Variants in SRL observed in about 807,000 individuals in gnomAD.
The protein encoded by SRL is sarcalumenin.
In SRL, 23 loss-of-function variants were observed where a neutral mutation model predicts 39.5. The observed-to-expected ratio is 0.58, with a 90% CI of 0.42 to 0.82. The LOEUF is 0.82. Among genes scored for constraint, SRL ranks in the 40% least tolerant of loss-of-function variants. The probability of loss-of-function intolerance (pLI) is 0.00; values close to 1 mark genes in which losing one functional copy is unlikely to be tolerated. For missense variants in SRL, 592 were observed against 607.8 expected, an observed-to-expected ratio of 0.97 and a Z score of 0.27; for synonymous variants, 272 against 237.4, an observed-to-expected ratio of 1.15 and a Z score of -1.34.
rs752573485 is a variant in SRL, at chr16:4,195,506, T to C, written c.610+47A>G. The stretch of plus-strand genomic sequence containing the variant: ...AGCCATCATGCCTGGCCAAAAATAA[T>C]TTTTTGAAACAGAGCTTACACTGTT... On this transcript the variant is annotated intron_variant, in intron 5 of 5. Transcript: ENST00000399609. 38 of 1,580,756 alleles carry C rather than the reference T, an allele frequency of 2.4e-5. 1 individual carries two copies. Among genetic ancestry groups the C allele is most frequent in the Non-Finnish European group, 1.9e-5 (22 of 1,153,912 alleles).
chr16:4,232,165 A>G (rs2052666494), intron 1 of SRL, among the ~76,000 whole-genome samples: 2 of 152,010 alleles, frequency 1.3e-5, no homozygotes, highest in East Asian at 3.9e-4. Context: ...TTCGGAAAGG[A>G]AACAAAGGCA....
chr16:4,237,736 C>T (rs149843626), intron 1 of SRL, among the ~76,000 whole-genome samples: 3 of 152,304 alleles, frequency 2.0e-5, no homozygotes, highest in African/African-American at 7.2e-5. Context: ...TGAGTTTGCT[C>T]ATCTTGTTCC....
chr16:4,226,952 G>C (rs2054865011), intron 1 of SRL, among the ~76,000 whole-genome samples: 1 of 148,916 alleles, frequency 6.7e-6, no homozygotes, highest in Non-Finnish European at 1.5e-5. Flanking sequence ...GGATGGATGA[G>C]TAGATGCATG....
chr16:4,204,447 C>T (rs559362030), intron 2 of SRL, 86 bp downstream of exon 2: 115 of 772,346 alleles, frequency 1.5e-4, no homozygotes, highest in East Asian at 7.7e-4. Flanking sequence ...CCGGCACGCC[C>T]TGGCTCTCAG....
At chr16:4,232,009 C>G (rs578200038) in intron 1 of SRL, among the ~76,000 whole-genome samples, 1 of 152,338 alleles carries the variant, frequency 6.6e-6, no homozygotes, top group Non-Finnish European at 1.5e-5. Context: ...GACTTGGCGG[C>G]TGATTTGTGA....
intron 1 of SRL, among the ~76,000 whole-genome samples, chr16:4,220,286 C>T (rs1848149078): frequency 6.6e-6 from 1 of 150,634 alleles, no homozygotes; most frequent in Non-Finnish European, 1.5e-5. Context: ...AAAACACACA[C>T]ACACACACAC....
At chr16:4,210,111 G>A (rs900208426) in intron 1 of SRL, among the ~76,000 whole-genome samples, 1 of 152,218 alleles carries the variant, frequency 6.6e-6, no homozygotes, top group African/African-American at 2.4e-5. Context: ...AGAGGTCCGC[G>A]GTCAGATTGG....
At chr16:4,197,080 T>TG (rs2052158543) in intron 4 of SRL, among the ~76,000 whole-genome samples, 1 of 111,640 alleles carries the variant, frequency 9.0e-6, no homozygotes, top group Non-Finnish European at 1.9e-5. Flanking sequence ...TTTTTTTTTT[T>TG]TTTTGTGAGA....
intron 4 of SRL, among the ~76,000 whole-genome samples, chr16:4,196,335 C>G (rs758305568): frequency 6.6e-6 from 1 of 152,172 alleles, no homozygotes. Context: ...GTGCAACCAT[C>G]GCCACCATCC....
At chr16:4,196,459 T>C (rs1217906945) in intron 4 of SRL, among the ~76,000 whole-genome samples, 1 of 150,526 alleles carries the variant, frequency 6.6e-6, no homozygotes, top group Non-Finnish European at 1.5e-5. Context: ...TCTCTCTCTC[T>C]GATTTTGCCT....
chr16:4,198,249 A>T (rs187352559), intron 3 of SRL, among the ~76,000 whole-genome samples: 98 of 152,308 alleles, frequency 6.4e-4, no homozygotes, highest in African/African-American at 2.1e-3. Context: ...CCCATAGAGA[A>T]AGGAGGACGG....
chr16:4,216,737 T>G (rs1385083481), intron 1 of SRL, among the ~76,000 whole-genome samples: 1 of 152,178 alleles, frequency 6.6e-6, no homozygotes, highest in Non-Finnish European at 1.5e-5. Context: ...GCCTTGGGCC[T>G]GCTGCCTCCC....
intron 1 of SRL, among the ~76,000 whole-genome samples, chr16:4,221,338 C>T (rs1247411152): frequency 6.6e-6 from 1 of 152,216 alleles, no homozygotes; most frequent in Non-Finnish European, 1.5e-5. Context: ...TGAGCCACTG[C>T]ACCTGGCCTA....
chr16:4,221,200 C>T (rs150313032), intron 1 of SRL, among the ~76,000 whole-genome samples: 1 of 152,184 alleles, frequency 6.6e-6, no homozygotes, highest in Non-Finnish European at 1.5e-5. Flanking sequence ...AGGTGCATGC[C>T]ACCATGTCCA....
At chr16:4,208,774 G>C (rs1326208147) in intron 1 of SRL, among the ~76,000 whole-genome samples, 1 of 152,152 alleles carries the variant, frequency 6.6e-6, no homozygotes, top group Non-Finnish European at 1.5e-5. Context: ...CCTTAGATTA[G>C]AGGGTACATG....
intron 3 of SRL, among the ~76,000 whole-genome samples, chr16:4,201,178 A>G (rs2052224792): frequency 6.6e-6 from 1 of 151,298 alleles, no homozygotes; most frequent in African/African-American, 2.4e-5. Context: ...CAGTGGTGCA[A>G]TCTCAGTTTA....
At chr16:4,199,578 C>T (rs2052194903) in intron 3 of SRL, among the ~76,000 whole-genome samples, 1 of 151,664 alleles carries the variant, frequency 6.6e-6, no homozygotes, top group Non-Finnish European at 1.5e-5. Flanking sequence ...GCCATGTTGC[C>T]TAGGCTGGTC....
chr16:4,225,709 T>C (rs996576752), intron 1 of SRL, among the ~76,000 whole-genome samples: 3 of 152,100 alleles, frequency 2.0e-5, no homozygotes, highest in African/African-American at 4.8e-5. Context: ...GCCACTGTCA[T>C]CTCCCACCTG....
intron 1 of SRL, among the ~76,000 whole-genome samples, chr16:4,230,058 G>C (rs2052641873): frequency 6.6e-6 from 1 of 152,012 alleles, no homozygotes; most frequent in African/African-American, 2.4e-5. Context: ...CTGCGTCAGA[G>C]ACACACCCCC....
Sources: allele counts gnomAD v4.1 joint callset (sites outside exome capture counted in the v4.1 genomes callset), GRCh38; gene constraint gnomAD v4.1.1; transcripts MANE v1.5; gene names NCBI Gene and HGNC (gene_info 2026-07-23, HGNC 2026-07-21).